GABRB2: variants seen among roughly 807,000 people sequenced by gnomAD.
GABRB2 encodes the protein gamma-aminobutyric acid receptor subunit beta-2.
Under a neutral mutation model 54.7 loss-of-function variants are expected in GABRB2, and 16 were observed. That is an observed-to-expected ratio of 0.29 (90% CI 0.20 to 0.44). The LOEUF is 0.44. Ranked by LOEUF, GABRB2 falls within the 20% of genes least tolerant of loss-of-function variation. GABRB2 has a pLI of 1.00. For synonymous variants in GABRB2, 244 were observed against 233.8 expected, an observed-to-expected ratio of 1.04 and a Z score of -0.40; for missense variants, 355 against 644.0, an observed-to-expected ratio of 0.55 and a Z score of 4.86.
intron 5 of GABRB2, among the ~76,000 whole-genome samples, chr5:161,392,517 T>C (rs2113042826): frequency 6.6e-6 from 1 of 152,290 alleles, no homozygotes; most frequent in African/African-American, 2.4e-5. Context: ...AGAGAGGTTG[T>C]TAACAGCTCA....
intron 5 of GABRB2, among the ~76,000 whole-genome samples, chr5:161,402,399 T>G (rs1441912510): frequency 1.3e-5 from 2 of 152,204 alleles, no homozygotes; most frequent in African/African-American, 4.8e-5. Flanking sequence ...TTCCAGTTTA[T>G]GACAGCATAT....
At chr5:161,524,821 C>T (rs971926766) in intron 3 of GABRB2, among the ~76,000 whole-genome samples, 2 of 151,292 alleles carry the variant, frequency 1.3e-5, no homozygotes, top group Non-Finnish European at 3.0e-5. Context: ...CTTTCCATAA[C>T]ATGATTTTTT....
chr5:161,303,166 T>C (rs1481644821), intron 9 of GABRB2, among the ~76,000 whole-genome samples: 1 of 152,218 alleles, frequency 6.6e-6, no homozygotes, highest in East Asian at 1.9e-4. Context: ...CAGAAATTCA[T>C]GGCTTGTTCG....
At chr5:161,504,403 A>T (rs1759539973) in intron 3 of GABRB2, among the ~76,000 whole-genome samples, 1 of 152,156 alleles carries the variant, frequency 6.6e-6, no homozygotes, top group South Asian at 2.1e-4. Context: ...ATGACAAAAA[A>T]ATACCTTGGG....
intron 3 of GABRB2, among the ~76,000 whole-genome samples, chr5:161,505,660 C>T (rs1759584587): frequency 6.6e-6 from 1 of 152,016 alleles, no homozygotes; most frequent in Non-Finnish European, 1.5e-5. Context: ...AATACATTTC[C>T]GTGACTCATT....
chr5:161,371,976 C>T (rs1755145533), intron 5 of GABRB2, among the ~76,000 whole-genome samples: 1 of 152,074 alleles, frequency 6.6e-6, no homozygotes, highest in Admixed American at 6.6e-5. Flanking sequence ...GTAATCCTCC[C>T]CTCTCAACCT....
intron 5 of GABRB2, among the ~76,000 whole-genome samples, chr5:161,391,994 T>C (rs1755838341): frequency 6.6e-6 from 1 of 152,166 alleles, no homozygotes. Context: ...GCAGAAAAAT[T>C]GACAGCAGGA....
intron 5 of GABRB2, among the ~76,000 whole-genome samples, chr5:161,402,070 T>C (rs1056928821): frequency 9.2e-5 from 14 of 151,554 alleles, no homozygotes; most frequent in African/African-American, 3.4e-4. Flanking sequence ...ATATATTATA[T>C]AAAAATTTGT....
chr5:161,513,486 G>A (rs1221357530), intron 3 of GABRB2, among the ~76,000 whole-genome samples: 4 of 152,084 alleles, frequency 2.6e-5, no homozygotes, highest in African/African-American at 9.7e-5. Context: ...GCTGCAACAT[G>A]GATGCAGCTG....
intron 5 of GABRB2, among the ~76,000 whole-genome samples, chr5:161,365,144 T>C (rs1309679813): frequency 2.0e-5 from 3 of 152,208 alleles, no homozygotes; most frequent in African/African-American, 7.2e-5. Context: ...CTCTTCATCA[T>C]AGACTTATGA....
At chr5:161,352,003 T>C (rs1319874077) in intron 5 of GABRB2, among the ~76,000 whole-genome samples, 2 of 152,094 alleles carry the variant, frequency 1.3e-5, no homozygotes, top group Non-Finnish European at 2.9e-5. Flanking sequence ...CACAGTGAGA[T>C]ATCACTTCAT....
chr5:161,370,135 G>A (rs1265970538), intron 5 of GABRB2, among the ~76,000 whole-genome samples: 1 of 152,114 alleles, frequency 6.6e-6, no homozygotes, highest in African/African-American at 2.4e-5. Flanking sequence ...GTTCAGTGTT[G>A]CATGGCATTG....
chr5:161,525,746 A>T (rs966208289), intron 3 of GABRB2, among the ~76,000 whole-genome samples: 1 of 151,390 alleles, frequency 6.6e-6, no homozygotes, highest in African/African-American at 2.4e-5. Context: ...AAACTGACAC[A>T]AGTGGCATTG....
At chr5:161,317,846 T>A (rs1758089110) in intron 9 of GABRB2, among the ~76,000 whole-genome samples, 1 of 152,058 alleles carries the variant, frequency 6.6e-6, no homozygotes, top group African/African-American at 2.4e-5. Context: ...CAATTCAAAC[T>A]GTGTATGAAT....
In GABRB2 at chr5:161,292,784, T is replaced by C. The variant is rs2113331008; in HGVS notation, c.*1297A>G. 6.6e-6 allele frequency: 1 copy of C among 152,304 alleles called. No individual in the cohort carries two copies. The highest frequency in any genetic ancestry group is 1.9e-4 in the East Asian group (1 of 5,190). The allele number at this position is 152,304 out of a possible 1,614,324, so 9.4% of individuals were successfully genotyped here. On this transcript the variant is annotated 3_prime_UTR_variant, in exon 10 of 10. Coordinates refer to ENST00000393959, the MANE Select transcript of GABRB2 (RefSeq NM_001371727.1). ...TGTGTTCATACTCCTTGAAGTATTA[T>C]TTGCTTTGAAAAATACAATGGTGAA...
At chr5:161,335,777 TTC>T (rs1470178219) in intron 6 of GABRB2, among the ~76,000 whole-genome samples, 1 of 152,110 alleles carries the variant, frequency 6.6e-6, no homozygotes, top group Non-Finnish European at 1.5e-5. Flanking sequence ...TAGGAAAAGT[TTC>T]TGTTTGTCGT....
chr5:161,432,858 T>G (rs965160539), intron 4 of GABRB2, among the ~76,000 whole-genome samples: 1 of 152,150 alleles, frequency 6.6e-6, no homozygotes, highest in Non-Finnish European at 1.5e-5. Context: ...TTGTACTTCA[T>G]ATGAAAGGAA....
chr5:161,522,183 A>T (rs1186439868), intron 3 of GABRB2, among the ~76,000 whole-genome samples: 2 of 151,848 alleles, frequency 1.3e-5, no homozygotes, highest in Non-Finnish European at 3.0e-5. Context: ...TGTACATTTA[A>T]TAGGCCCCTA....
intron 3 of GABRB2, among the ~76,000 whole-genome samples, chr5:161,522,135 A>T (rs1760134063): frequency 6.6e-6 from 1 of 151,770 alleles, no homozygotes; most frequent in Non-Finnish European, 1.5e-5. Flanking sequence ...TGAATCTTGG[A>T]TCTTTGTCAT....
Sources: allele counts gnomAD v4.1 joint callset (sites outside exome capture counted in the v4.1 genomes callset), GRCh38; gene constraint gnomAD v4.1.1; transcripts MANE v1.5; gene names NCBI Gene and HGNC (gene_info 2026-07-23, HGNC 2026-07-21).